The following DCAF8L2 variants were observed in gnomAD, a reference collection of about 807,000 sequenced individuals.
DCAF8L2 encodes DDB1- and CUL4-associated factor 8-like protein 2.
For missense variants in DCAF8L2, 430 were observed against 490.7 expected (o/e 0.88, Z 1.17); for synonymous variants, 200 against 190.9 (o/e 1.05, Z -0.39).
At chrX:27,619,258 A>C (rs1927633938) in intron 1 of DCAF8L2, among the ~76,000 whole-genome samples, 1 of 111,758 alleles carries the variant, frequency 8.9e-6, no homozygotes, top group African/African-American at 3.2e-5. Flanking sequence ...TAGCTACTGT[A>C]AATCTCCAAA....
the DCAF8L2 span, among the ~76,000 whole-genome samples, chrX:27,469,424 C>G: frequency 8.9e-6 from 1 of 111,762 alleles, no homozygotes; most frequent in African/African-American, 3.2e-5. Context: ...TAAAAATGCT[C>G]AATTTTTGCC....
At chrX:27,499,999 T>C in the DCAF8L2 span, among the ~76,000 whole-genome samples, 2 of 112,308 alleles carry the variant, frequency 1.8e-5, no homozygotes, top group Non-Finnish European at 3.8e-5. Context: ...TTTTTACTTT[T>C]GTTGCCTGTG....
At chrX:27,632,829 A>G (rs1928346588) in intron 2 of DCAF8L2, 1 of 111,622 alleles carries the variant, frequency 9.0e-6, no homozygotes, top group Admixed American at 9.6e-5. Flanking sequence ...GTAACATGCT[A>G]GATCATTTAT....
chrX:27,715,098 G>A (rs1472761829), intron 3 of DCAF8L2, among the ~76,000 whole-genome samples: 1 of 110,428 alleles, frequency 9.1e-6, no homozygotes, highest in African/African-American at 3.3e-5. Flanking sequence ...GGAGTCAAAG[G>A]TAACTGAGAG....
chrX:27,487,005 A>C, the DCAF8L2 span, among the ~76,000 whole-genome samples: 1 of 111,105 alleles, frequency 9.0e-6, no homozygotes, highest in East Asian at 2.9e-4. Context: ...AAAATAGCCA[A>C]CTGGTATTTT....
At chrX:27,551,346 A>G in the DCAF8L2 span, among the ~76,000 whole-genome samples, 1 of 110,439 alleles carries the variant, frequency 9.1e-6, no homozygotes, top group African/African-American at 3.3e-5. Context: ...CCAGCAAAAG[A>G]TTATGACTCA....
At chrX:27,498,491 T>C in the DCAF8L2 span, among the ~76,000 whole-genome samples, 1 of 112,702 alleles carries the variant, frequency 8.9e-6, no homozygotes, top group Non-Finnish European at 1.9e-5. Context: ...TACATATATA[T>C]TGTAAAAGTA....
chrX:27,514,390 C>T, the DCAF8L2 span, among the ~76,000 whole-genome samples: 3 of 109,911 alleles, frequency 2.7e-5, no homozygotes, highest in Non-Finnish European at 5.7e-5. Context: ...GTGAAATCGG[C>T]CGCGCGCGGT....
At chrX:27,500,106 A>T in the DCAF8L2 span, among the ~76,000 whole-genome samples, 1 of 111,768 alleles carries the variant, frequency 8.9e-6, no homozygotes, top group Non-Finnish European at 1.9e-5. Flanking sequence ...AGATGTTAAC[A>T]TTGGAGGAAA....
At chrX:27,544,785 C>T in the DCAF8L2 span, among the ~76,000 whole-genome samples, 7 of 111,545 alleles carry the variant, frequency 6.3e-5, no homozygotes, top group African/African-American at 2.3e-4. Flanking sequence ...GATAAGAAAA[C>T]ATCAACTGAA....
intron 4 of DCAF8L2, among the ~76,000 whole-genome samples, chrX:27,718,310 C>T (rs1931770904): frequency 8.9e-6 from 1 of 111,959 alleles, no homozygotes; most frequent in South Asian, 3.7e-4. Flanking sequence ...AACATAGCAT[C>T]ATGTTTTTGA....
chrX:27,546,693 C>A, the DCAF8L2 span, among the ~76,000 whole-genome samples: 1 of 112,558 alleles, frequency 8.9e-6, no homozygotes, highest in South Asian at 3.7e-4. Context: ...AGGCTTGGGG[C>A]TGTTACCCTC....
At chrX:27,570,996 A>G in the DCAF8L2 span, among the ~76,000 whole-genome samples, 1 of 111,711 alleles carries the variant, frequency 9.0e-6, no homozygotes, top group Admixed American at 9.5e-5. Context: ...TTGATTCTCT[A>G]ATAGACAGAA....
the DCAF8L2 span, among the ~76,000 whole-genome samples, chrX:27,567,089 G>A: frequency 3.6e-5 from 4 of 111,528 alleles, no homozygotes; most frequent in Non-Finnish European, 7.5e-5. Context: ...CGTGGTCCGA[G>A]ATGATACTTG....
chrX:27,693,059 C>T (rs747056241), intron 3 of DCAF8L2, among the ~76,000 whole-genome samples: 3 of 111,618 alleles, frequency 2.7e-5, no homozygotes, highest in Admixed American at 1.9e-4. Flanking sequence ...GATTAATTCG[C>T]GTGTGAATTA....
the DCAF8L2 span, among the ~76,000 whole-genome samples, chrX:27,501,863 A>G: frequency 9.0e-6 from 1 of 110,738 alleles, no homozygotes; most frequent in Non-Finnish European, 1.9e-5. Flanking sequence ...TTTCCCTTCT[A>G]TATACCCCCA....
chrX:27,711,977 T>C (rs1931549493), intron 3 of DCAF8L2, among the ~76,000 whole-genome samples: 3 of 111,599 alleles, frequency 2.7e-5, no homozygotes, highest in Admixed American at 9.5e-5. Flanking sequence ...TTAGAATTTG[T>C]TTGCATAAAG....
the DCAF8L2 span, among the ~76,000 whole-genome samples, chrX:27,533,158 GAGAGAGAGAA>G: frequency 9.8e-5 from 2 of 20,509 alleles, no homozygotes; most frequent in African/African-American, 1.6e-4. Flanking sequence ...GAGAGAGAGA[GAGAGAGAGAA>G]AGAAAGAAAG....
the DCAF8L2 span, among the ~76,000 whole-genome samples, chrX:27,499,357 C>T: frequency 1.8e-5 from 2 of 112,011 alleles, no homozygotes; most frequent in African/African-American, 3.2e-5. Flanking sequence ...ACCTGTTGGC[C>T]ATTTGTATGT....
Sources: gnomAD v4.1 joint callset for allele counts (sites outside exome capture counted in the v4.1 genomes callset) on GRCh38, gnomAD v4.1.1 for gene constraint, MANE v1.5 for transcripts, NCBI Gene and HGNC (gene_info 2026-07-23, HGNC 2026-07-21) for gene names.